The following PTPRD variants were observed in gnomAD, a reference collection of about 807,000 sequenced individuals.
PTPRD encodes receptor-type tyrosine-protein phosphatase delta.
In PTPRD, 34 loss-of-function variants were observed where a neutral mutation model predicts 214.5. The observed-to-expected ratio is 0.16, with a 90% CI of 0.12 to 0.21. The LOEUF is 0.21. Ranked by LOEUF, PTPRD falls within the 10% of genes least tolerant of loss-of-function variation. The pLI, the probability that PTPRD is intolerant of heterozygous loss-of-function variation, is 1.00. For synonymous variants in PTPRD, 1,128 were observed against 845.7 expected, an observed-to-expected ratio of 1.33 and a Z score of -5.79; for missense variants, 2,545 against 2,398.7, an observed-to-expected ratio of 1.06 and a Z score of -1.27.
chr9:9,349,132 AGAAAAAATAATTCACTC>A (rs1347231935), intron 9 of PTPRD, among the ~76,000 whole-genome samples: 1 of 152,100 alleles, frequency 6.6e-6, no homozygotes, highest in African/African-American at 2.4e-5. Flanking sequence ...AATATGTTTA[AGAAAAAATAATTCACTC>A]GACGTAAATC....
chr9:10,535,855 C>G (rs916741985), intron 2 of PTPRD, among the ~76,000 whole-genome samples: 1 of 152,006 alleles, frequency 6.6e-6, no homozygotes, highest in African/African-American at 2.4e-5. Context: ...CCCAAGATAC[C>G]CTTTTACCTC....
chr9:10,118,332 T>A (rs116994777), intron 3 of PTPRD, among the ~76,000 whole-genome samples: 5,732 of 151,646 alleles, frequency 0.038, 193 homozygotes, highest in Admixed American at 0.092. Context: ...ATATTTAATA[T>A]ATTAATGTAC....
intron 8 of PTPRD, among the ~76,000 whole-genome samples, chr9:9,474,776 T>C (rs2094900361): frequency 6.6e-6 from 1 of 152,168 alleles, no homozygotes. Flanking sequence ...AATTTTATGT[T>C]AATTTTGTAT....
chr9:10,404,539 T>C (rs1465999372), intron 2 of PTPRD, among the ~76,000 whole-genome samples: 2 of 151,398 alleles, frequency 1.3e-5, no homozygotes, highest in African/African-American at 2.4e-5. Flanking sequence ...CATTTATAAA[T>C]ACAGCTCTAT....
intron 4 of PTPRD, among the ~76,000 whole-genome samples, chr9:9,990,549 C>T (rs2095876404): frequency 6.6e-6 from 1 of 152,198 alleles, no homozygotes; most frequent in Non-Finnish European, 1.5e-5. Context: ...GTAAGCTGTG[C>T]ACACTGCCCA....
intron 11 of PTPRD, among the ~76,000 whole-genome samples, chr9:8,984,315 C>T (rs892922020): frequency 5.3e-5 from 8 of 151,558 alleles, no homozygotes; most frequent in East Asian, 1.9e-4. Flanking sequence ...GTGCCCTAAG[C>T]GGAAAGGTAA....
intron 34 of PTPRD, among the ~76,000 whole-genome samples, chr9:8,446,867 G>T (rs1487690686): frequency 6.6e-6 from 1 of 152,116 alleles, no homozygotes; most frequent in African/African-American, 2.4e-5. Flanking sequence ...CCACAAAAGG[G>T]TTACTGGGTT....
chr9:10,065,986 G>A (rs1421439833), intron 3 of PTPRD, among the ~76,000 whole-genome samples: 1 of 151,796 alleles, frequency 6.6e-6, no homozygotes, highest in Non-Finnish European at 1.5e-5. Context: ...CACAAAAGTA[G>A]CTAAATTTTA....
chr9:8,334,351 G>T (rs1411712811), intron 43 of PTPRD, among the ~76,000 whole-genome samples: 1 of 151,480 alleles, frequency 6.6e-6, no homozygotes, highest in Admixed American at 6.6e-5. Context: ...AGACCACAGT[G>T]CAATCAAATT....
intron 14 of PTPRD, among the ~76,000 whole-genome samples, chr9:8,548,170 A>G (rs779797094): frequency 6.6e-6 from 1 of 152,208 alleles, no homozygotes; most frequent in African/African-American, 2.4e-5. Context: ...TCTAAGGTCC[A>G]GGAAAGATTA....
intron 7 of PTPRD, among the ~76,000 whole-genome samples, chr9:9,622,168 A>G (rs569838318): frequency 2.2e-4 from 34 of 152,340 alleles, no homozygotes; most frequent in South Asian, 2.1e-3. Context: ...ATGTTCTTCA[A>G]ATTAGACCAT....
At chr9:9,263,316 G>A (rs1014882033) in intron 9 of PTPRD, among the ~76,000 whole-genome samples, 10 of 151,364 alleles carry the variant, frequency 6.6e-5, no homozygotes, top group African/African-American at 2.4e-4. Context: ...GAGAATTGAG[G>A]GAATAGACAT....
At chr9:10,085,249 G>A (rs17680494) in intron 3 of PTPRD, among the ~76,000 whole-genome samples, 4,223 of 151,804 alleles carry the variant, frequency 0.028, 90 homozygotes, top group Middle Eastern at 0.082. Context: ...CTCAACTGAC[G>A]TGGCGAGAAT....
chr9:8,699,891 A>C (rs1384041430), intron 12 of PTPRD, among the ~76,000 whole-genome samples: 4 of 152,224 alleles, frequency 2.6e-5, no homozygotes, highest in Non-Finnish European at 5.9e-5. Context: ...AAGGGCAAAA[A>C]CTAAACATGG....
At chr9:10,138,842 C>T (rs2098961084) in intron 3 of PTPRD, among the ~76,000 whole-genome samples, 1 of 151,982 alleles carries the variant, frequency 6.6e-6, no homozygotes, top group Non-Finnish European at 1.5e-5. Context: ...TTGATAAAAT[C>T]CAACATCGCT....
chr9:9,740,986 T>C (rs2098393155), intron 6 of PTPRD, among the ~76,000 whole-genome samples: 1 of 152,160 alleles, frequency 6.6e-6, no homozygotes, highest in African/African-American at 2.4e-5. Context: ...GAAACTAGAA[T>C]TTCAGACGCG....
rs532854535 is a variant in PTPRD at position 9,090,925 on chromosome 9, C to T, written c.-142-72190G>A. On this transcript the variant is annotated intron_variant, in intron 10 of 45. Transcript: ENST00000381196. ...GACAAAGAAAAGAAGGAACAATGGT[C>T]GTGCCAAAAAGGGCTGCGGCCACGT... 12 of 1,533,628 alleles carry T rather than the reference C, an allele frequency of 7.8e-6. No individual in the cohort carries two copies. In the Admixed American group the frequency reaches 8.3e-5, roughly 11 times the overall value.
At chr9:10,500,704 T>G (rs973298594) in intron 2 of PTPRD, among the ~76,000 whole-genome samples, 2 of 151,778 alleles carry the variant, frequency 1.3e-5, no homozygotes, top group African/African-American at 4.8e-5. Context: ...CCTCCCCAAC[T>G]ACCCTTCCCA....
intron 8 of PTPRD, among the ~76,000 whole-genome samples, chr9:9,559,471 A>T (rs1157671263): frequency 1.3e-5 from 2 of 152,246 alleles, no homozygotes; most frequent in Non-Finnish European, 1.5e-5. Context: ...ATGCACATTC[A>T]GTTTTAATAG....
Sources: allele counts gnomAD v4.1 joint callset (sites outside exome capture counted in the v4.1 genomes callset), GRCh38; gene constraint gnomAD v4.1.1; transcripts MANE v1.5; gene names NCBI Gene and HGNC (gene_info 2026-07-23, HGNC 2026-07-21).